HERC3: variants seen among roughly 807,000 people sequenced by gnomAD.
HERC3 encodes the protein HECT and RLD domain containing E3 ubiquitin protein ligase 3.
A neutral mutation model predicts 129.9 loss-of-function variants in HERC3; 58 were observed. The observed-to-expected ratio is 0.45, with a 90% CI of 0.36 to 0.56. The LOEUF is 0.56. HERC3 is among the 20% of genes least tolerant of loss of function. The pLI is 0.00. For missense variants in HERC3, 835 were observed against 1,244.2 expected, an observed-to-expected ratio of 0.67 and a Z score of 4.95; for synonymous variants, 430 against 451.0, an observed-to-expected ratio of 0.95 and a Z score of 0.59.
At chr4:88,624,913 G>A (rs1366917517) in intron 3 of HERC3, among the ~76,000 whole-genome samples, 1 of 151,798 alleles carries the variant, frequency 6.6e-6, no homozygotes, top group Non-Finnish European at 1.5e-5. Flanking sequence ...TCGTTTTTTT[G>A]CATATGGATA....
At chr4:88,638,864 C>T (rs1727750677) in intron 3 of HERC3, among the ~76,000 whole-genome samples, 1 of 152,132 alleles carries the variant, frequency 6.6e-6, no homozygotes, top group African/African-American at 2.4e-5. Flanking sequence ...CCCAAAAATG[C>T]CTTGAGCCGA....
intron 3 of HERC3, among the ~76,000 whole-genome samples, chr4:88,642,676 G>A (rs1357041541): frequency 6.6e-6 from 1 of 152,130 alleles, no homozygotes; most frequent in African/African-American, 2.4e-5. Flanking sequence ...AGCCCTCTAT[G>A]GTCTCTTTTA....
chr4:88,540,668 A>G, the HERC3 span, among the ~76,000 whole-genome samples: 2,722 of 152,310 alleles, frequency 0.018, 51 homozygotes, highest in Middle Eastern at 0.044. Flanking sequence ...GTTGAAATGA[A>G]GGAAAAAATG....
chr4:88,597,496 T>C (rs1722528308), intron 2 of HERC3, among the ~76,000 whole-genome samples: 1 of 152,238 alleles, frequency 6.6e-6, no homozygotes, highest in African/African-American at 2.4e-5. Context: ...CACATCTTCA[T>C]CTTCACTGGA....
At chr4:88,704,693 G>A in intron 25 of HERC3, 83 bp downstream of exon 25, 2 of 823,954 alleles carry the variant, frequency 2.4e-6, no homozygotes. Context: ...CACAGCTGAG[G>A]CTTAACTCAT....
upstream of HERC3, among the ~76,000 whole-genome samples, chr4:88,592,135 C>A (rs1578122972): frequency 6.6e-6 from 1 of 152,242 alleles, no homozygotes; most frequent in African/African-American, 2.4e-5. Flanking sequence ...GAGTCCAGAA[C>A]CTGAATAGGC....
chr4:88,552,815 T>G, the HERC3 span, among the ~76,000 whole-genome samples: 4 of 152,228 alleles, frequency 2.6e-5, no homozygotes, highest in Admixed American at 2.6e-4. Flanking sequence ...GTCCATAACC[T>G]CCACTAAGGG....
Position 88,664,147 on chromosome 4 carries a change from G to T in HERC3, c.1272-6G>T. ...GGCTTCCCCCTCCCTTCTTTTCTTT[G>T]AGCAGTGGTGTTGTTCAGATATTAT... On this transcript the variant is annotated splice_polypyrimidine_tract_variant and splice_region_variant and intron_variant, in intron 11 of 25. Transcript: ENST00000402738. 6.2e-7 allele frequency: 1 copy of T among 1,608,942 alleles called. No individual in the cohort carries two copies. The highest frequency in any genetic ancestry group is 1.1e-5 in the South Asian group (1 of 90,122).
the HERC3 span, among the ~76,000 whole-genome samples, chr4:88,533,140 G>T: frequency 6.6e-6 from 1 of 152,246 alleles, no homozygotes; most frequent in Non-Finnish European, 1.5e-5. Context: ...GAGTCCAAAA[G>T]CTGAAGAATT....
In HERC3 at chr4:88,653,085, A is replaced by G; in HGVS notation, c.680A>G (p.Glu227Gly). 1 of 1,613,998 alleles carries G rather than the reference A, an allele frequency of 6.2e-7. No individual in the cohort carries two copies. The highest frequency in any genetic ancestry group is 2.2e-5 in the East Asian group (1 of 44,886). The change falls in exon 6 of 26, where the codon GAA becomes GGA. Residue 227 changes from glutamate to glycine, a missense_variant. Glu to Gly is a moderately conservative substitution (Grantham distance 98). Coordinates refer to ENST00000402738, the MANE Select transcript of HERC3 (RefSeq NM_014606.3). ...NNAGQLGLSDEKDRESPCHVK... is the reference protein window; with the variant it reads ...NNAGQLGLSDGKDRESPCHVK... ...GCCGGGCAGCTAGGGCTCAGTGATG[A>G]AAAAGGTAGGTAAACCCTTCATATG...
the HERC3 span, among the ~76,000 whole-genome samples, chr4:88,539,236 T>C: frequency 6.6e-6 from 1 of 152,174 alleles, no homozygotes; most frequent in Non-Finnish European, 1.5e-5. Flanking sequence ...GCTTTTCCCA[T>C]GGTCTTAGCA....
chr4:88,658,623 A>T, intron 10 of HERC3, 132 bp downstream of exon 10: 1 of 486,842 alleles, frequency 2.1e-6, no homozygotes, highest in Non-Finnish European at 3.6e-6. Flanking sequence ...TTTTTAAAAT[A>T]AGCAAACTAA....
At chr4:88,665,570 C>G (rs1021595058) in intron 12 of HERC3, among the ~76,000 whole-genome samples, 1 of 152,198 alleles carries the variant, frequency 6.6e-6, no homozygotes, top group Non-Finnish European at 1.5e-5. Context: ...TACTTAGTCA[C>G]TAATTCAAAT....
At chr4:88,620,406 A>G (rs187898574) in intron 3 of HERC3, among the ~76,000 whole-genome samples, 3 of 152,242 alleles carry the variant, frequency 2.0e-5, no homozygotes, top group Non-Finnish European at 4.4e-5. Flanking sequence ...ATCTCTGTAA[A>G]TGGCCTTTCC....
chr4:88,548,147 ATGT>A, the HERC3 span, among the ~76,000 whole-genome samples: 12 of 152,316 alleles, frequency 7.9e-5, no homozygotes, highest in Admixed American at 5.2e-4. Context: ...ATTATGAATA[ATGT>A]TGTTATGAAC....
chr4:88,529,529 G>C, the HERC3 span, among the ~76,000 whole-genome samples: 11 of 152,332 alleles, frequency 7.2e-5, no homozygotes, highest in African/African-American at 2.6e-4. Flanking sequence ...GCCAAGGCCG[G>C]TGGATCACGA....
chr4:88,662,095 T>C (rs1440090271), intron 10 of HERC3, among the ~76,000 whole-genome samples: 1 of 152,176 alleles, frequency 6.6e-6, no homozygotes, highest in Non-Finnish European at 1.5e-5. Flanking sequence ...AATTCAGTTA[T>C]AACAGAGGCC....
the HERC3 span, among the ~76,000 whole-genome samples, chr4:88,572,243 G>A: frequency 6.6e-6 from 1 of 151,990 alleles, no homozygotes; most frequent in African/African-American, 2.4e-5. Flanking sequence ...AGACAACACA[G>A]TGAGATCTCA....
At chr4:88,693,654 G>A (rs1734299336) in intron 23 of HERC3, 1 of 982,380 alleles carries the variant, frequency 1.0e-6, no homozygotes, top group East Asian at 1.1e-4. Context: ...TCAATAAAGT[G>A]TGTACATGTG....
Sources: gnomAD v4.1 joint callset for allele counts (sites outside exome capture counted in the v4.1 genomes callset) on GRCh38, gnomAD v4.1.1 for gene constraint, MANE v1.5 for transcripts, NCBI Gene and HGNC (gene_info 2026-07-23, HGNC 2026-07-21) for gene names.